The following MRPS25 variants were observed in gnomAD, a reference collection of about 807,000 sequenced individuals.
MRPS25 encodes small ribosomal subunit protein mS25.
Under a neutral mutation model 17.3 loss-of-function variants are expected in MRPS25, and 15 were observed. The observed-to-expected ratio is 0.87, with a 90% CI of 0.58 to 1.34. The LOEUF (loss-of-function observed/expected upper bound fraction) is 1.34, where lower values mean the gene tolerates loss of function less well. MRPS25 is among the 40% of genes most tolerant of loss of function. The probability of loss-of-function intolerance (pLI) is 0.00; values close to 1 mark genes in which losing one functional copy is unlikely to be tolerated. For missense variants in MRPS25, 225 were observed against 218.6 expected (o/e 1.03, Z -0.19); for synonymous variants, 94 against 83.3 (o/e 1.13, Z -0.70).
chr3:15,047,139 T>G (rs999140577), downstream of MRPS25: 1 of 152,688 alleles, frequency 6.5e-6, no homozygotes, highest in South Asian at 2.1e-4. Flanking sequence ...TATACAGACA[T>G]GTATCCAAAC....
At chr3:15,045,680 G>T (rs1315794542), downstream of MRPS25, 1 of 152,674 alleles carries the variant, frequency 6.5e-6, no homozygotes, top group Non-Finnish European at 1.5e-5. Context: ...TCAGCCCAAA[G>T]TCAAGAATTA....
At position 15,051,172 on chromosome 3, in the gene MRPS25, T is replaced by C; in HGVS notation, c.*1269A>G. On this transcript the variant is annotated 3_prime_UTR_variant, in exon 4 of 4. Transcript: ENST00000253686. ...GTGGTCCAACTGGTCCTTCACTTTA[T>C]AATTAAACTTATTTAAAAAATTTTT... is the stretch of plus-strand genomic sequence containing the variant. 1 of 985,136 alleles carries C rather than the reference T, an allele frequency of 1.0e-6. No individual in the cohort carries two copies. Among genetic ancestry groups the C allele is most frequent in the Non-Finnish European group, 1.2e-6 (1 of 829,698 alleles). 61.0% of individuals were successfully genotyped at this position (985,136 alleles called of 1,614,324 possible). A position where few individuals can be genotyped will look rare whatever the true frequency, so the allele number is the denominator to read the frequency against.
rs1575066353 is a variant in MRPS25 at position 15,052,228 on chromosome 3, T to C, written c.*213A>G. ...CAAGCTGCTATTAGGAAGCGTTTTA[T>C]TGACCAGCAGAGCAGGGATATTCAT... On this transcript the variant is annotated 3_prime_UTR_variant, in exon 4 of 4. Transcript: ENST00000253686. The C allele has an allele frequency of 2.3e-6, 3 of 1,293,448 alleles. No individual in the cohort carries two copies. Among genetic ancestry groups the C allele is most frequent in the Non-Finnish European group, 9.8e-7 (1 of 1,022,272 alleles). 80.1% of individuals were successfully genotyped at this position (1,293,448 alleles called of 1,614,324 possible). A position where few individuals can be genotyped will look rare whatever the true frequency, so the allele number is the denominator to read the frequency against.
chr3:15,060,449 G>C (rs1458609531), intron 1 of MRPS25, among the ~76,000 whole-genome samples: 2 of 148,954 alleles, frequency 1.3e-5, no homozygotes, highest in Non-Finnish European at 3.0e-5. Context: ...GGAGTTTGAG[G>C]TTGCAGTGAG....
Position 15,050,484 on chromosome 3 carries a change from CTACA to C in MRPS25, c.*1953_*1956del. 1.0e-6 allele frequency: 1 copy of C among 986,604 alleles called. No homozygotes were observed. Among genetic ancestry groups the C allele is most frequent in the Non-Finnish European group, 1.2e-6 (1 of 830,888 alleles). 61.1% of individuals were successfully genotyped at this position (986,604 alleles called of 1,614,324 possible). On this transcript the variant is annotated 3_prime_UTR_variant, in exon 4 of 4. Transcript: ENST00000253686. ...TTTGTGTGTCACTAGCTATGGAGACCTACACTGCAGATGAAAGCCAAAAGGAACT... is the reference window on the plus strand; with the variant it reads ...TTTGTGTGTCACTAGCTATGGAGACCCTGCAGATGAAAGCCAAAAGGAACT...
intron 2 of MRPS25, among the ~76,000 whole-genome samples, chr3:15,054,482 C>G (rs1196791970): frequency 2.0e-5 from 3 of 152,102 alleles, no homozygotes; most frequent in Admixed American, 1.3e-4. Flanking sequence ...GCAGAGGTTG[C>G]AGTGAGCTGA....
Position 15,050,675 on chromosome 3 carries a change from G to A in MRPS25, c.*1766C>T. 1 of 985,432 alleles carries A rather than the reference G, an allele frequency of 1.0e-6. No homozygotes were observed. Among genetic ancestry groups the A allele is most frequent in the Non-Finnish European group, 1.2e-6 (1 of 829,958 alleles). 61.0% of individuals were successfully genotyped at this position (985,432 alleles called of 1,614,324 possible). A position where few individuals can be genotyped will look rare whatever the true frequency, so the allele number is the denominator to read the frequency against. On this transcript the variant is annotated 3_prime_UTR_variant, in exon 4 of 4. Transcript: ENST00000253686. ...ACCCAGCCAAAATGCTGATAGCAGAGAGACAAGATGCTAGATTTCAATTAA... is the reference window on the plus strand; with the variant it reads ...ACCCAGCCAAAATGCTGATAGCAGAAAGACAAGATGCTAGATTTCAATTAA...
At chr3:15,048,076 C>A (rs924559234), downstream of MRPS25, 2 of 152,686 alleles carry the variant, frequency 1.3e-5, no homozygotes, top group Admixed American at 6.5e-5. Flanking sequence ...GCTGCAAAAA[C>A]TCACATAATC....
intron 1 of MRPS25, among the ~76,000 whole-genome samples, chr3:15,061,621 C>T (rs917505919): frequency 1.3e-5 from 2 of 152,358 alleles, no homozygotes; most frequent in South Asian, 2.1e-4. Context: ...AGAGTGCAGC[C>T]TCTGCCCGGC....
chr3:15,043,215 T>C, downstream of MRPS25: 1 of 395,746 alleles, frequency 2.5e-6, no homozygotes, highest in East Asian at 3.8e-5. Context: ...TAATGCCTTT[T>C]GATGAAGCAG....
In MRPS25 at chr3:15,049,855, A is replaced by T. The variant is rs1313977003; in HGVS notation, c.*2586T>A. On this transcript the variant is annotated 3_prime_UTR_variant, in exon 4 of 4. Transcript: ENST00000253686. ...CTCCAGCCTCAACCTCCTGGGCTCA[A>T]GTGATCCTCCTGCCTCAGCCTCCTG... 1 of 1,383,954 alleles carries T rather than the reference A, an allele frequency of 7.2e-7. No homozygotes were observed. Among genetic ancestry groups the T allele is most frequent in the Admixed American group, 2.0e-5 (1 of 49,490 alleles). 85.7% of individuals were successfully genotyped at this position (1,383,954 alleles called of 1,614,324 possible). A position where few individuals can be genotyped will look rare whatever the true frequency, so the allele number is the denominator to read the frequency against.
rs561964540 is a variant in MRPS25 at position 15,061,866 on chromosome 3, C to A, written c.135-2391G>T. On this transcript the variant is annotated intron_variant, in intron 1 of 3. Coordinates refer to ENST00000253686, the MANE Select transcript of MRPS25 (RefSeq NM_022497.5). Reference sequence around the variant, plus strand: ...GGTGAGGAGCATCTCTGCCCAGCCACCCCGTCTGAGAAGGGAGGAGACCCT... The same window carrying A: ...GGTGAGGAGCATCTCTGCCCAGCCAACCCGTCTGAGAAGGGAGGAGACCCT... Among the ~76,000 whole-genome samples the A allele has an allele frequency of 1.7e-3, 261 of 151,830 alleles. 2 individuals are homozygous for A. In the Middle Eastern group the frequency reaches 0.034, roughly 20 times the overall value.
rs1371476471 is a variant in MRPS25 at position 15,050,586 on chromosome 3, CAGTT to C, written c.*1851_*1854del. The C allele has an allele frequency of 2.0e-6, 2 of 985,326 alleles. No individual in the cohort carries two copies. Among genetic ancestry groups the C allele is most frequent in the African/African-American group, 3.5e-5 (2 of 57,232 alleles). 61.0% of individuals were successfully genotyped at this position (985,326 alleles called of 1,614,324 possible). ...GTGGTATCAAGGTCAAGACTTCAGT[CAGTT>C]GGGTGGGGAACTGAAACCAGCAGAC... On this transcript the variant is annotated 3_prime_UTR_variant, in exon 4 of 4. Transcript: ENST00000253686.
rs1044420273 is a variant in MRPS25, at chr3:15,048,512, T to C, written c.*3929A>G. The C allele has an allele frequency of 3.3e-5, 5 of 152,400 alleles. No individual in the cohort carries two copies. The highest frequency in any genetic ancestry group is 9.7e-5 in the African/African-American group (4 of 41,402). 9.4% of individuals were successfully genotyped at this position (152,400 alleles called of 1,614,324 possible). ...TGTCTTGATATTTATACATGCAAAA[T>C]AGAAAAAAAATGTTCAACATTTATT... On this transcript the variant is annotated 3_prime_UTR_variant, in exon 4 of 4. Transcript: ENST00000253686.
Position 15,059,370 on chromosome 3 carries a change from T to G in MRPS25, c.240A>C (p.Leu80Phe), listed in dbSNP as rs1559329137. The part of the protein sequence containing the change: ...MTPSPFLRFY[L>F]DSGEQVLVDV... Reference sequence around the variant, plus strand: ...GACCATGGCGAGGGCCCCACTCACCTAAGTAGAATCGCAGGAAGGGTGACG... The same window carrying G: ...GACCATGGCGAGGGCCCCACTCACCGAAGTAGAATCGCAGGAAGGGTGACG... Residue 80 changes from leucine to phenylalanine, a missense_variant and splice_region_variant, in exon 2 of 4, where the codon TTA becomes TTC. Leu to Phe is a conservative substitution (Grantham distance 22). Coordinates refer to ENST00000253686, the MANE Select transcript of MRPS25 (RefSeq NM_022497.5). 6.2e-7 allele frequency: 1 copy of G among 1,609,634 alleles called. No individual in the cohort carries two copies.
In MRPS25 at chr3:15,052,375, A is replaced by T; in HGVS notation, c.*66T>A. Reference sequence around the variant, plus strand: ...AGAACCAGGGGCTTCCCTGGGCCAAAGTAATCCCATTCCAATCTCCCCACT... The same window carrying T: ...AGAACCAGGGGCTTCCCTGGGCCAATGTAATCCCATTCCAATCTCCCCACT... On this transcript the variant is annotated 3_prime_UTR_variant, in exon 4 of 4. Transcript: ENST00000253686. 1.9e-6 allele frequency: 3 copies of T among 1,552,772 alleles called. No individual in the cohort carries two copies. Among genetic ancestry groups the T allele is most frequent in the Non-Finnish European group, 2.6e-6 (3 of 1,147,880 alleles).
intron 2 of MRPS25, among the ~76,000 whole-genome samples, chr3:15,058,468 C>T (rs1334576520): frequency 1.3e-5 from 2 of 152,172 alleles, no homozygotes; most frequent in African/African-American, 4.8e-5. Context: ...GGATTACAGG[C>T]GCAAGCCACT....
Position 15,053,376 on chromosome 3 carries a change from T to G in MRPS25, c.329+4A>C. 6.2e-7 allele frequency: 1 copy of G among 1,614,112 alleles called. No homozygotes were observed. The highest frequency in any genetic ancestry group is 8.5e-7 in the Non-Finnish European group (1 of 1,180,008). ...TTCCTTCCAGGTCAAACCAAACAAC[T>G]CACTCATTCTTCCCCAAGATTTTTC... On this transcript the variant is annotated splice_donor_region_variant and intron_variant, in intron 3 of 3. Transcript: ENST00000253686.
chr3:15,049,980 A>G lies in MRPS25; in HGVS notation c.*2461T>C. The G allele has an allele frequency of 6.7e-7, 1 of 1,483,912 alleles. No homozygotes were observed. Among genetic ancestry groups the G allele is most frequent in the Non-Finnish European group, 8.8e-7 (1 of 1,131,560 alleles). The allele number at this position is 1,483,912 out of a possible 1,614,324, so 91.9% of individuals were successfully genotyped here. A position where few individuals can be genotyped will look rare whatever the true frequency, so the allele number is the denominator to read the frequency against. On this transcript the variant is annotated 3_prime_UTR_variant, in exon 4 of 4. Coordinates refer to ENST00000253686, the MANE Select transcript of MRPS25 (RefSeq NM_022497.5). ...GTCACTTCAGAATAAGGCTGTGAAC[A>G]CTGCTTGTGCAAGTAAAATTAAGAA...
Sources: allele counts gnomAD v4.1 joint callset (sites outside exome capture counted in the v4.1 genomes callset), GRCh38; gene constraint gnomAD v4.1.1; transcripts MANE v1.5; gene names NCBI Gene and HGNC (gene_info 2026-07-23, HGNC 2026-07-21).